The following ARB2A variants were observed in gnomAD, a reference collection of about 807,000 sequenced individuals.
ARB2A encodes the protein ARB2 cotranscriptional regulator A.
the ARB2A span, among the ~76,000 whole-genome samples, chr5:93,891,589 C>A: frequency 1.3e-5 from 2 of 152,036 alleles, no homozygotes; most frequent in South Asian, 2.1e-4. Flanking sequence ...CTCCAATTCT[C>A]ATTTTGTCTT....
At chr5:93,642,086 T>A in the ARB2A span, among the ~76,000 whole-genome samples, 1 of 152,118 alleles carries the variant, frequency 6.6e-6, no homozygotes, top group South Asian at 2.1e-4. Flanking sequence ...GCCCAAGTGA[T>A]CCTTGCATCT....
the ARB2A span, among the ~76,000 whole-genome samples, chr5:94,059,215 A>T: frequency 6.6e-6 from 1 of 152,126 alleles, no homozygotes; most frequent in South Asian, 2.1e-4. Flanking sequence ...AAAGTGGATG[A>T]AATGTTTTCC....
At chr5:93,680,867 G>A in the ARB2A span, among the ~76,000 whole-genome samples, 1 of 152,064 alleles carries the variant, frequency 6.6e-6, no homozygotes, top group Non-Finnish European at 1.5e-5. Flanking sequence ...GAAGTTTTGA[G>A]TTTTATCTTT....
chr5:93,851,681 C>G, the ARB2A span, among the ~76,000 whole-genome samples: 2 of 152,090 alleles, frequency 1.3e-5, no homozygotes, highest in Non-Finnish European at 2.9e-5. Context: ...TCAATTCCCA[C>G]CTATGAGTGA....
the ARB2A span, among the ~76,000 whole-genome samples, chr5:93,797,887 T>C: frequency 6.6e-6 from 1 of 152,148 alleles, no homozygotes; most frequent in Admixed American, 6.5e-5. Context: ...AGATAGCTTC[T>C]ATATTGTTCT....
the ARB2A span, among the ~76,000 whole-genome samples, chr5:93,921,673 T>C: frequency 2.0e-5 from 3 of 152,180 alleles, no homozygotes; most frequent in African/African-American, 7.2e-5. Flanking sequence ...ATAGGCTAAC[T>C]CTACTGTTTT....
At chr5:93,766,957 C>T in the ARB2A span, among the ~76,000 whole-genome samples, 4 of 147,584 alleles carry the variant, frequency 2.7e-5, no homozygotes, top group African/African-American at 7.6e-5. Context: ...CCAAACACCG[C>T]ATGTTCTCAC....
chr5:93,996,639 C>A, the ARB2A span, among the ~76,000 whole-genome samples: 5 of 152,022 alleles, frequency 3.3e-5, no homozygotes, highest in Non-Finnish European at 7.4e-5. Context: ...TACATACTAC[C>A]TTAAGTCTCC....
chr5:93,682,257 A>C, the ARB2A span, among the ~76,000 whole-genome samples: 3,316 of 151,876 alleles, frequency 0.022, 124 homozygotes, highest in African/African-American at 0.075. Flanking sequence ...AAAAAAAAAA[A>C]AAACATTTCT....
chr5:93,835,677 C>G, the ARB2A span, among the ~76,000 whole-genome samples: 1 of 152,162 alleles, frequency 6.6e-6, no homozygotes, highest in Admixed American at 6.5e-5. Context: ...ACCTATGTCA[C>G]TAATTTCAGT....
At chr5:93,675,982 C>A in the ARB2A span, among the ~76,000 whole-genome samples, 1 of 152,202 alleles carries the variant, frequency 6.6e-6, no homozygotes, top group South Asian at 2.1e-4. Flanking sequence ...CTTAGCAAAT[C>A]AAACTTGTTT....
At chr5:93,799,723 C>T in the ARB2A span, among the ~76,000 whole-genome samples, 1 of 151,958 alleles carries the variant, frequency 6.6e-6, no homozygotes, top group Admixed American at 6.6e-5. Context: ...CAAAAGCTGC[C>T]CCATATTGAT....
chr5:93,776,253 A>C, the ARB2A span: 70 of 1,592,280 alleles, frequency 4.4e-5, no homozygotes, highest in Non-Finnish European at 5.7e-5. Context: ...TCTGCAATGT[A>C]ATAGAGACAA....
chr5:93,919,660 T>G, the ARB2A span, among the ~76,000 whole-genome samples: 1 of 152,202 alleles, frequency 6.6e-6, no homozygotes, highest in African/African-American at 2.4e-5. Flanking sequence ...CCAATCTTTT[T>G]GAATTTACCC....
chr5:93,808,620 A>C, the ARB2A span, among the ~76,000 whole-genome samples: 1 of 151,898 alleles, frequency 6.6e-6, no homozygotes, highest in African/African-American at 2.4e-5. Flanking sequence ...ATCTCTTAAA[A>C]ACCTGATTAG....
At chr5:93,743,755 C>A in the ARB2A span, among the ~76,000 whole-genome samples, 1 of 151,918 alleles carries the variant, frequency 6.6e-6, no homozygotes, top group Non-Finnish European at 1.5e-5. Context: ...CAGTCTCTGC[C>A]TCACAGGTTC....
At chr5:93,778,260 A>G in the ARB2A span, among the ~76,000 whole-genome samples, 5 of 152,352 alleles carry the variant, frequency 3.3e-5, no homozygotes, top group South Asian at 1.0e-3. Context: ...GATATTTCAT[A>G]CATTTGAAAT....
chr5:94,111,163 A>G, the ARB2A span, among the ~76,000 whole-genome samples: 1 of 152,122 alleles, frequency 6.6e-6, no homozygotes, highest in East Asian at 1.9e-4. Context: ...TGTAGAAAAA[A>G]AAATTAATAC....
chr5:94,057,719 C>T, the ARB2A span, among the ~76,000 whole-genome samples: 1 of 152,092 alleles, frequency 6.6e-6, no homozygotes, highest in African/African-American at 2.4e-5. Context: ...CAAGAAGACA[C>T]ATGTAAAAGA....
Sources: allele counts gnomAD v4.1 joint callset (sites outside exome capture counted in the v4.1 genomes callset), GRCh38; gene constraint gnomAD v4.1.1; transcripts MANE v1.5; gene names NCBI Gene and HGNC (gene_info 2026-07-23, HGNC 2026-07-21).